VAV2: variants seen among roughly 807,000 people sequenced by gnomAD.
VAV2 encodes the protein guanine nucleotide exchange factor VAV2.
In VAV2, 67 loss-of-function variants were observed where a neutral mutation model predicts 132.5. The observed-to-expected ratio is 0.51, with a 90% CI of 0.42 to 0.62. The LOEUF (loss-of-function observed/expected upper bound fraction) is 0.62. Among genes scored for constraint, VAV2 ranks in the 20% least tolerant of loss-of-function variants. VAV2 has a pLI of 0.00. For synonymous variants in VAV2, 492 were observed against 443.5 expected, an observed-to-expected ratio of 1.11 and a Z score of -1.37; for missense variants, 938 against 1,153.6, an observed-to-expected ratio of 0.81 and a Z score of 2.71.
chr9:133,801,189 T>C (rs879783798), intron 9 of VAV2, among the ~76,000 whole-genome samples: 2 of 151,738 alleles, frequency 1.3e-5, no homozygotes, highest in Admixed American at 1.3e-4. Flanking sequence ...ATGCAGGAGG[T>C]TGGGGGTGGG....
At chr9:133,977,894 T>A (rs1210053259) in intron 1 of VAV2, among the ~76,000 whole-genome samples, 1 of 152,176 alleles carries the variant, frequency 6.6e-6, no homozygotes, top group East Asian at 1.9e-4. Flanking sequence ...GCCCCTCAGC[T>A]GGCAAAGGGG....
intron 2 of VAV2, among the ~76,000 whole-genome samples, chr9:133,889,934 AC>A (rs1838864646): frequency 6.6e-6 from 1 of 152,070 alleles, no homozygotes; most frequent in South Asian, 2.1e-4. Flanking sequence ...ATAATACATG[AC>A]CCCGCAGGGC....
chr9:133,772,061 G>A lies in VAV2; in HGVS notation c.2136-15C>T, dbSNP rs1420086826. On this transcript the variant is annotated splice_polypyrimidine_tract_variant and intron_variant, in intron 25 of 29. Coordinates refer to ENST00000371850, the MANE Select transcript of VAV2 (RefSeq NM_001134398.2). Reference sequence around the variant, plus strand: ...CATCATTGAACCTGAGCAAACACACGGCCCCGGCGGTCACCGCGTGAGGGC... The same window carrying A: ...CATCATTGAACCTGAGCAAACACACAGCCCCGGCGGTCACCGCGTGAGGGC... 5 of 1,611,878 alleles carry A rather than the reference G, an allele frequency of 3.1e-6. No individual in the cohort carries two copies. Among genetic ancestry groups the A allele is most frequent in the Admixed American group, 1.7e-5 (1 of 59,964 alleles).
intron 2 of VAV2, among the ~76,000 whole-genome samples, chr9:133,925,011 C>T (rs1184928390): frequency 2.0e-5 from 3 of 152,202 alleles, no homozygotes; most frequent in Non-Finnish European, 2.9e-5. Context: ...ATGTCCAGAA[C>T]AGGCAAATCC....
chr9:133,989,156 T>C (rs1322265868), intron 1 of VAV2, among the ~76,000 whole-genome samples: 1 of 152,162 alleles, frequency 6.6e-6, no homozygotes, highest in East Asian at 1.9e-4. Flanking sequence ...CTGACCAACA[T>C]AGAGAAACCC....
At chr9:133,939,477 G>A (rs889935078) in intron 1 of VAV2, among the ~76,000 whole-genome samples, 14 of 152,048 alleles carry the variant, frequency 9.2e-5, no homozygotes, top group African/African-American at 3.1e-4. Context: ...AGCCACCACC[G>A]CCCCCAGCCT....
At position 133,834,017 on chromosome 9, in the gene VAV2, T is replaced by C. The variant is rs1478812636; in HGVS notation, c.449+255A>G. Among the ~76,000 whole-genome samples, 1 of 152,178 alleles carries C rather than the reference T, an allele frequency of 6.6e-6. No homozygotes were observed. Among genetic ancestry groups the C allele is most frequent in the African/African-American group, 2.4e-5 (1 of 41,444 alleles). On this transcript the variant is annotated intron_variant, in intron 4 of 29. Coordinates refer to ENST00000371850, the MANE Select transcript of VAV2 (RefSeq NM_001134398.2). The surrounding 1 kb of genome is among the most constrained non-coding windows in gnomAD (Gnocchi z 5.9). ...CCAACACCCGGGCCAGCCATTAGAC[T>C]GGCTGGGCAGCCTTCTAGAATGTAC...
At chr9:133,846,754 C>T (rs1053487756) in intron 3 of VAV2, among the ~76,000 whole-genome samples, 2 of 152,210 alleles carry the variant, frequency 1.3e-5, no homozygotes, top group South Asian at 2.1e-4. Context: ...ACCCTGAGAC[C>T]GTGTCCCGGG....
chr9:133,824,697 G>C lies in VAV2; in HGVS notation c.449+9575C>G, dbSNP rs1835917275. ...CCCACAACGGGGTCCCAGGTCCCAGGTCTGTGGGGCAGGGAGGGCTCCTTT... is the reference window on the plus strand; with the variant it reads ...CCCACAACGGGGTCCCAGGTCCCAGCTCTGTGGGGCAGGGAGGGCTCCTTT... On this transcript the variant is annotated intron_variant, in intron 4 of 29. Coordinates refer to ENST00000371850, the MANE Select transcript of VAV2 (RefSeq NM_001134398.2). The surrounding 1 kb of genome is among the most constrained non-coding windows in gnomAD (Gnocchi z 5.2). 6.6e-6 allele frequency among the ~76,000 whole-genome samples: 1 copy of C among 152,034 alleles called. No individual in the cohort carries two copies. The highest frequency in any genetic ancestry group is 6.5e-5 in the Admixed American group (1 of 15,282).
At chr9:133,781,804 G>A (rs1270862369) in intron 19 of VAV2, among the ~76,000 whole-genome samples, 1 of 152,238 alleles carries the variant, frequency 6.6e-6, no homozygotes, top group African/African-American at 2.4e-5. Context: ...AAGGACACAG[G>A]CCCCTGGGGA....
At chr9:133,901,718 G>A (rs1366119468) in intron 2 of VAV2, among the ~76,000 whole-genome samples, 1 of 152,200 alleles carries the variant, frequency 6.6e-6, no homozygotes, top group African/African-American at 2.4e-5. Context: ...CATCCCTCCT[G>A]GGGTATTTAT....
chr9:133,865,080 G>A (rs372474444), intron 2 of VAV2, among the ~76,000 whole-genome samples: 2 of 152,200 alleles, frequency 1.3e-5, no homozygotes, highest in Non-Finnish European at 2.9e-5. Context: ...CCCAGGCACC[G>A]AAAACTCCAC....
At position 133,895,928 on chromosome 9, in the gene VAV2, CTT is replaced by C. The variant is rs551480342; in HGVS notation, c.322-34498_322-34497del. 7.1e-4 allele frequency among the ~76,000 whole-genome samples: 82 copies of C among 115,190 alleles called. 7 individuals carry two copies. The highest frequency in any genetic ancestry group is 1.8e-3 in the African/African-American group (52 of 29,488). 75.6% of individuals were successfully genotyped at this position (115,190 alleles called of 152,430 possible). A position where few individuals can be genotyped will look rare whatever the true frequency, so the allele number is the denominator to read the frequency against. On this transcript the variant is annotated intron_variant, in intron 2 of 29. Transcript: ENST00000371850. The stretch of plus-strand genomic sequence containing the variant: ...TCTTAATTGGCAGCCACACTAAAAT[CTT>C]TTTTTTTTTTTTTTTTTTTAATTGA...
chr9:133,821,756 G>A (rs1287671087), intron 4 of VAV2, among the ~76,000 whole-genome samples: 1 of 152,180 alleles, frequency 6.6e-6, no homozygotes, highest in Non-Finnish European at 1.5e-5. Flanking sequence ...TCTCTGTCCA[G>A]TGGTCCATGA....
rs902760434 is a variant in VAV2 at position 133,885,047 on chromosome 9, C to A, written c.322-23615G>T. 1.3e-5 allele frequency among the ~76,000 whole-genome samples: 2 copies of A among 152,240 alleles called. No homozygotes were observed. Among genetic ancestry groups the A allele is most frequent in the African/African-American group, 4.8e-5 (2 of 41,460 alleles). On this transcript the variant is annotated intron_variant, in intron 2 of 29. Coordinates refer to ENST00000371850, the MANE Select transcript of VAV2 (RefSeq NM_001134398.2). The surrounding 1 kb of genome is among the most constrained non-coding windows in gnomAD (Gnocchi z 5.0). ...AGGCCGATGACACCATCTGAGCCAG[C>A]CACAGTGACAGGCAGAGCCTAGATA...
intron 4 of VAV2, among the ~76,000 whole-genome samples, chr9:133,812,723 G>A (rs1342638641): frequency 6.6e-6 from 1 of 152,154 alleles, no homozygotes; most frequent in African/African-American, 2.4e-5. Context: ...CATGGAGGGT[G>A]ACCCGGAGTT....
intron 1 of VAV2, among the ~76,000 whole-genome samples, chr9:133,963,260 G>T (rs77864392): frequency 6.6e-6 from 1 of 152,116 alleles, no homozygotes; most frequent in Admixed American, 6.5e-5. Flanking sequence ...ATCAGGGATC[G>T]GAGCCCTCAG....
At chr9:133,866,662 C>T (rs868016485) in intron 2 of VAV2, among the ~76,000 whole-genome samples, 9 of 152,054 alleles carry the variant, frequency 5.9e-5, no homozygotes, top group African/African-American at 1.4e-4. Flanking sequence ...AAAAATTAGC[C>T]GGGCGTGGTG....
chr9:133,844,102 T>G (rs1367742400), intron 3 of VAV2, among the ~76,000 whole-genome samples: 2 of 152,136 alleles, frequency 1.3e-5, no homozygotes, highest in Non-Finnish European at 2.9e-5. Context: ...AAGACACGGA[T>G]CTCACAGGCG....
Sources: gnomAD v4.1 joint callset for allele counts (sites outside exome capture counted in the v4.1 genomes callset) on GRCh38, gnomAD v4.1.1 for gene constraint, Gnocchi (gnomAD v3.1) non-coding constraint, MANE v1.5 for transcripts, NCBI Gene and HGNC (gene_info 2026-07-23, HGNC 2026-07-21) for gene names.